USP10: variants seen among roughly 807,000 people sequenced by gnomAD.
USP10 encodes ubiquitin carboxyl-terminal hydrolase 10.
Under a neutral mutation model 84.5 loss-of-function variants are expected in USP10, and 22 were observed. That is an observed-to-expected ratio of 0.26 (90% CI 0.19 to 0.37). The LOEUF (loss-of-function observed/expected upper bound fraction) is 0.37. Ranked by LOEUF, USP10 falls within the 10% of genes least tolerant of loss-of-function variation. USP10 has a pLI of 1.00. For missense variants in USP10, 1,019 were observed against 998.9 expected, an observed-to-expected ratio of 1.02 and a Z score of -0.27; for synonymous variants, 454 against 387.6, an observed-to-expected ratio of 1.17 and a Z score of -2.01.
rs1427346571 is a variant in USP10, at chr16:84,772,606, A to G, written c.2064A>G (p.Arg688=). The change falls in exon 12 of 14, where the codon CGA becomes CGG. Residue 688 remains arginine, a synonymous_variant. Coordinates refer to ENST00000219473, the MANE Select transcript of USP10 (RefSeq NM_005153.3). ...LPPVLVLHLK[R]FVYEKTGGCQ... Reference sequence around the variant, plus strand: ...CTGTCCTCGTGCTGCACCTGAAACGATTCGTTTATGAGAAGACTGGTGGGT... The same window carrying G: ...CTGTCCTCGTGCTGCACCTGAAACGGTTCGTTTATGAGAAGACTGGTGGGT... 6.2e-7 allele frequency: 1 copy of G among 1,613,990 alleles called. No homozygotes were observed. The highest frequency in any genetic ancestry group is 1.1e-5 in the South Asian group (1 of 91,088).
chr16:84,711,193 C>T (rs1270008133), intron 1 of USP10, among the ~76,000 whole-genome samples: 1 of 152,172 alleles, frequency 6.6e-6, no homozygotes, highest in Non-Finnish European at 1.5e-5. Context: ...AGCATTTACC[C>T]AGTACTTGCT....
intron 1 of USP10, among the ~76,000 whole-genome samples, chr16:84,718,942 G>A (rs1406099856): frequency 4.0e-5 from 6 of 151,532 alleles, no homozygotes; most frequent in African/African-American, 1.2e-4. Context: ...ACAGGCGCCC[G>A]CCACCGCACC....
intron 4 of USP10, among the ~76,000 whole-genome samples, chr16:84,758,174 A>G (rs1021005556): frequency 3.3e-5 from 5 of 152,216 alleles, no homozygotes; most frequent in Admixed American, 6.5e-5. Flanking sequence ...GGACGGTTTA[A>G]TTTGTAGGAG....
At chr16:84,747,338 G>A (rs1010991752) in intron 4 of USP10, among the ~76,000 whole-genome samples, 3 of 152,152 alleles carry the variant, frequency 2.0e-5, no homozygotes, top group Non-Finnish European at 4.4e-5. Context: ...CACACCCTTC[G>A]ATGGATGGTC....
At chr16:84,737,818 G>C (rs1442600410) in intron 2 of USP10, among the ~76,000 whole-genome samples, 2 of 152,342 alleles carry the variant, frequency 1.3e-5, no homozygotes, top group Non-Finnish European at 1.5e-5. Flanking sequence ...CAGGATGTGT[G>C]CCTGGCACAC....
Position 84,744,962 on chromosome 16 carries a change from A to G in USP10, c.481A>G (p.Ser161Gly), listed in dbSNP as rs757448572. ...KKKKRPPGYY[S>G]YLKDGGDDSI... ...GAAAAAGCGGCCACCTGGATATTAC[A>G]GCTATTTGAAAGATGGTGGCGATGA... is the stretch of plus-strand genomic sequence containing the variant. Residue 161 changes from serine (S) to glycine (G), a missense_variant, in exon 4 of 14, where the codon AGC becomes GGC. Around this residue, in one of 2 missense-constraint regions of USP10, gnomAD observed 787 missense variants for 708.8 expected, o/e 1.11. Coordinates refer to ENST00000219473, the MANE Select transcript of USP10 (RefSeq NM_005153.3). The G allele has an allele frequency of 1.4e-5, 22 of 1,613,692 alleles. No individual in the cohort carries two copies. Among genetic ancestry groups the G allele is most frequent in the Non-Finnish European group, 3.4e-6 (4 of 1,179,730 alleles).
Position 84,764,185 on chromosome 16 carries a change from C to G in USP10, c.1754C>G (p.Pro585Arg). ...GSEDEWEQVG[P>R]RNKTSVTRQA... ...GAGGATGAATGGGAACAAGTGGGCC[C>G]CCGGAACAAGACTTCCGTCACCCGC... The change falls in exon 10 of 14, where the codon CCC becomes CGC. Residue 585 changes from proline (P) to arginine (R), a missense_variant. Physicochemically the swap from Pro to Arg is moderately radical, Grantham distance 103. Coordinates refer to ENST00000219473, the MANE Select transcript of USP10 (RefSeq NM_005153.3). 1 of 1,613,988 alleles carries G rather than the reference C, an allele frequency of 6.2e-7. No homozygotes were observed. The highest frequency in any genetic ancestry group is 1.7e-5 in the Admixed American group (1 of 60,016).
rs1325364646 is a variant in USP10 at position 84,779,852 on chromosome 16, G to T, written c.*770G>T. ...CTTCTCTAATGCTGCGTCCCTAATT[G>T]TACACAGTTTAGTGATATCTAGGAG... On this transcript the variant is annotated 3_prime_UTR_variant, in exon 14 of 14. Transcript: ENST00000219473. 2 of 152,292 alleles carry T rather than the reference G, an allele frequency of 1.3e-5. No individual in the cohort carries two copies. The highest frequency in any genetic ancestry group is 1.9e-4 in the East Asian group (1 of 5,198). The allele number at this position is 152,292 out of a possible 1,614,324, so 9.4% of individuals were successfully genotyped here.
chr16:84,759,483 T>G lies in USP10; in HGVS notation c.1394+11T>G. 1.2e-6 allele frequency: 2 copies of G among 1,609,518 alleles called. No homozygotes were observed. The highest frequency in any genetic ancestry group is 8.5e-7 in the Non-Finnish European group (1 of 1,175,834). ...CATGATAGACAGCTTGTAAGTAAGG[T>G]GGTGAAAGATGTGTTAAGTGGTGGG... On this transcript the variant is annotated intron_variant, in intron 6 of 13. Transcript: ENST00000219473.
rs368734787 is a variant in USP10, at chr16:84,774,472, G to GT, written c.2144-678dup. Reference sequence around the variant, plus strand: ...TGTTCTGTAACTGAAGTTTTGTTTTGTTTTTTTTTTGTTTGTTTGTTTTTT... The same window carrying GT: ...TGTTCTGTAACTGAAGTTTTGTTTTGTTTTTTTTTTTGTTTGTTTGTTTTTT... On this transcript the variant is annotated intron_variant, in intron 12 of 13. Transcript: ENST00000219473. Among the ~76,000 whole-genome samples, 573 of 117,920 alleles carry GT rather than the reference G, an allele frequency of 4.9e-3. 2 individuals are homozygous for GT. Among genetic ancestry groups the GT allele is most frequent in the African/African-American group, 0.013 (415 of 31,100 alleles). The allele number at this position is 117,920 out of a possible 152,430, so 77.4% of individuals were successfully genotyped here.
chr16:84,759,734 A>G lies in USP10; in HGVS notation c.1395-157A>G, dbSNP rs564226855. On this transcript the variant is annotated intron_variant, in intron 6 of 13. Transcript: ENST00000219473. ...ATCACTTGAAATAGACCAAAAATGC[A>G]TATAGAAGAGACTTGAGTTCACTAG... The G allele has an allele frequency of 7.6e-5, 59 of 772,936 alleles. No individual in the cohort carries two copies. The South Asian group carries it at 1.0e-3, about 13-fold the overall frequency. 47.9% of individuals were successfully genotyped at this position (772,936 alleles called of 1,614,324 possible).
intron 9 of USP10, among the ~76,000 whole-genome samples, chr16:84,763,459 A>G (rs761957313): frequency 8.5e-5 from 13 of 152,228 alleles, no homozygotes; most frequent in Admixed American, 8.5e-4. Context: ...ATACATACGC[A>G]TACATTTTCC....
intron 3 of USP10, among the ~76,000 whole-genome samples, chr16:84,741,586 C>G (rs1021759791): frequency 2.0e-5 from 3 of 152,232 alleles, no homozygotes; most frequent in African/African-American, 7.2e-5. Flanking sequence ...GCTTCCCCCT[C>G]CCTCCTTCCA....
At chr16:84,762,522 C>T (rs1445886485) in intron 8 of USP10, among the ~76,000 whole-genome samples, 4 of 152,080 alleles carry the variant, frequency 2.6e-5, no homozygotes, top group African/African-American at 4.8e-5. Flanking sequence ...GAAACCCCGT[C>T]TCTACTAAAA....
intron 5 of USP10, 105 bp downstream of exon 5, chr16:84,758,912 T>C: frequency 1.2e-6 from 1 of 809,082 alleles, no homozygotes; most frequent in Non-Finnish European, 2.1e-6. Context: ...GCTCTCCATT[T>C]GAATCCCTAA....
intron 13 of USP10, among the ~76,000 whole-genome samples, chr16:84,775,747 C>A (rs1914944088): frequency 6.6e-6 from 1 of 152,200 alleles, no homozygotes; most frequent in African/African-American, 2.4e-5. Flanking sequence ...GTGAATGGCA[C>A]CCCCTGTTCC....
At chr16:84,777,593 C>G (rs1381252173) in intron 13 of USP10, among the ~76,000 whole-genome samples, 1 of 152,192 alleles carries the variant, frequency 6.6e-6, no homozygotes, top group Non-Finnish European at 1.5e-5. Flanking sequence ...CTATGCTGTT[C>G]AGTCTCCTCC....
At chr16:84,732,444 CT>C (rs762146698) in intron 1 of USP10, 17,856 of 301,368 alleles carry the variant, frequency 0.059, no homozygotes, top group South Asian at 0.084. Flanking sequence ...TCTTCTTCTT[CT>C]TTTTTTTTTT....
At chr16:84,748,569 G>C (rs1340387633) in intron 4 of USP10, among the ~76,000 whole-genome samples, 1 of 152,152 alleles carries the variant, frequency 6.6e-6, no homozygotes, top group African/African-American at 2.4e-5. Context: ...CTCTCAAAGT[G>C]CTGAGATTAC....
Sources: gnomAD v4.1 joint callset for allele counts (sites outside exome capture counted in the v4.1 genomes callset) on GRCh38, gnomAD v4.1.1 for gene constraint, gnomAD v4.1.1 regional missense constraint, MANE v1.5 for transcripts, NCBI Gene and HGNC (gene_info 2026-07-23, HGNC 2026-07-21) for gene names.